Variants in FAM240C observed in about 807,000 individuals in gnomAD.
FAM240C encodes the protein protein FAM240C.
A neutral mutation model predicts 10.0 loss-of-function variants in FAM240C; 14 were observed. That is an observed-to-expected ratio of 1.40 (90% confidence interval 0.92 to 2.19). The LOEUF (loss-of-function observed/expected upper bound fraction) is 2.19, where lower values mean the gene tolerates loss of function less well. Among genes scored for constraint, FAM240C ranks in the 30% most tolerant of loss-of-function variants. The probability of loss-of-function intolerance (pLI) is 0.00; values close to 1 mark genes in which losing one functional copy is unlikely to be tolerated. For missense variants in FAM240C, 154 were observed against 122.3 expected, an observed-to-expected ratio of 1.26 and a Z score of -1.22; for synonymous variants, 49 against 44.3, an observed-to-expected ratio of 1.11 and a Z score of -0.42.
chr2:241,894,404 C>T (rs1288507235), intron 2 of FAM240C, 65 bp from the exon 3 acceptor site: 6 of 1,496,396 alleles, frequency 4.0e-6, no homozygotes, highest in African/African-American at 2.8e-5. Context: ...CGGCCAAGCC[C>T]GTGTCTCTCA....
At chr2:241,897,696 G>A (rs1559469280) in intron 1 of FAM240C, among the ~76,000 whole-genome samples, 1 of 152,238 alleles carries the variant, frequency 6.6e-6, no homozygotes, top group Non-Finnish European at 1.5e-5. Context: ...AGCGAGGTGA[G>A]CGTTTCTTGG....
intron 1 of FAM240C, among the ~76,000 whole-genome samples, chr2:241,897,760 G>T (rs756510458): frequency 5.3e-5 from 8 of 152,150 alleles, no homozygotes; most frequent in Admixed American, 1.3e-4. Flanking sequence ...TTGAGACAGG[G>T]TCTCATTCCC....
upstream of FAM240C, among the ~76,000 whole-genome samples, chr2:241,900,809 C>T (rs1351112743): frequency 3.3e-5 from 5 of 152,212 alleles, no homozygotes; most frequent in Non-Finnish European, 2.9e-5. This position sits in a 1 kb window ranked among gnomAD's most constrained non-coding sequence, Gnocchi z 4.5. Context: ...CACAAAACGA[C>T]GATGCAGACA....
chr2:241,902,453 C>T (rs2124931112), upstream of FAM240C: 1 of 154,456 alleles, frequency 6.5e-6, no homozygotes, highest in African/African-American at 2.4e-5. The surrounding 1 kb of genome is among the most constrained non-coding windows in gnomAD (Gnocchi z 7.1). Context: ...CCCGGAACGC[C>T]GCCTCCAAGC....
intron 1 of FAM240C, among the ~76,000 whole-genome samples, chr2:241,898,638 C>G (rs187922957): frequency 6.6e-6 from 1 of 152,140 alleles, no homozygotes; most frequent in Admixed American, 6.5e-5. Context: ...GCCCTCCTCC[C>G]GATTTCACCC....
chr2:241,901,647 G>T (rs1701986066), upstream of FAM240C, among the ~76,000 whole-genome samples: 1 of 152,214 alleles, frequency 6.6e-6, no homozygotes, highest in African/African-American at 2.4e-5. The surrounding 1 kb of genome is among the most constrained non-coding windows in gnomAD (Gnocchi z 4.9). Context: ...AATGCACAAG[G>T]TGGAAAGACG....
chr2:241,899,113 A>G, intron 1 of FAM240C: 1 of 1,303,912 alleles, frequency 7.7e-7, no homozygotes, highest in Non-Finnish European at 1.0e-6. Context: ...CAAACACATC[A>G]CCTGCTTCAG....
rs904688845 is a variant in FAM240C at position 241,897,384 on chromosome 2, T to C, written c.13-50A>G. On this transcript the variant is annotated intron_variant, in intron 1 of 2. Transcript: ENST00000404031. ...GCTCAGTCACCTTATGCCATTCCCA[T>C]TGACGAGTTTGTGCTCCAGCACCCG... The C allele has an allele frequency of 3.5e-5, 53 of 1,531,614 alleles. No individual in the cohort carries two copies. In the African/African-American group the frequency reaches 6.2e-4, roughly 18 times the overall value. 94.9% of individuals were successfully genotyped at this position (1,531,614 alleles called of 1,614,324 possible).
intron 2 of FAM240C, among the ~76,000 whole-genome samples, chr2:241,896,947 T>G (rs1480149515): frequency 6.6e-6 from 1 of 151,794 alleles, no homozygotes; most frequent in Non-Finnish European, 1.5e-5. Context: ...GGTCTCACGG[T>G]TAGCAACGTG....
intron 2 of FAM240C, 42 bp from the exon 3 acceptor site, chr2:241,894,381 C>G (rs554530705): frequency 3.9e-6 from 6 of 1,520,230 alleles, no homozygotes; most frequent in Non-Finnish European, 5.3e-6. Flanking sequence ...GTCAAGCTCT[C>G]GGAACTTAGT....
intron 1 of FAM240C, among the ~76,000 whole-genome samples, chr2:241,898,565 CAAACAAAAA>C (rs1004866359): frequency 2.6e-5 from 4 of 151,766 alleles, no homozygotes; most frequent in African/African-American, 9.7e-5. Flanking sequence ...AACAAACAAA[CAAACAAAAA>C]AAGAATGTCC....
intron 1 of FAM240C, chr2:241,899,251 G>A (rs1559469942): frequency 7.7e-7 from 1 of 1,299,256 alleles, no homozygotes; most frequent in East Asian, 5.6e-5. Context: ...CGGGCGCTGT[G>A]GCCTGCGCAG....
rs1404680070 is a variant in FAM240C, at chr2:241,897,263, A to G, written c.84T>C (p.Phe28=). 3.9e-6 allele frequency: 6 copies of G among 1,549,892 alleles called. No individual in the cohort carries two copies. Among genetic ancestry groups the G allele is most frequent in the Middle Eastern group, 1.7e-4 (1 of 5,990 alleles). Residue 28 remains phenylalanine (F), a synonymous_variant, in exon 2 of 3, where the codon TTT becomes TTC. Coordinates refer to ENST00000404031, the MANE Select transcript of FAM240C (RefSeq NM_001382368.1). ...VAYDSGGIKM[F]WEKKIEHHAR... ...CGTGATGCTCGATTTTTTTCTCCCAAAACATCTTTATCCCGCCTGAATCGT... is the reference window on the plus strand; with the variant it reads ...CGTGATGCTCGATTTTTTTCTCCCAGAACATCTTTATCCCGCCTGAATCGT...
At chr2:241,902,024 G>C (rs895943402), upstream of FAM240C, among the ~76,000 whole-genome samples, 24 of 152,232 alleles carry the variant, frequency 1.6e-4, 1 homozygote, top group Non-Finnish European at 2.2e-4. The surrounding 1 kb of genome is among the most constrained non-coding windows in gnomAD (Gnocchi z 7.1). Flanking sequence ...GGCAGGGAGC[G>C]CATTCTGATC....
At chr2:241,896,821 G>T (rs868779015) in intron 2 of FAM240C, among the ~76,000 whole-genome samples, 7 of 99,260 alleles carry the variant, frequency 7.1e-5, no homozygotes, top group African/African-American at 8.3e-5. Context: ...GTGTGGGTGT[G>T]GGGGTGTGGG....
chr2:241,897,587 A>G (rs982871072), intron 1 of FAM240C, among the ~76,000 whole-genome samples: 1 of 152,192 alleles, frequency 6.6e-6, no homozygotes, highest in Non-Finnish European at 1.5e-5. Flanking sequence ...GTAGAAATGG[A>G]GGGCAAATTC....
At chr2:241,899,494 G>A (rs1217519660) in intron 1 of FAM240C, among the ~76,000 whole-genome samples, 3 of 152,232 alleles carry the variant, frequency 2.0e-5, no homozygotes, top group South Asian at 2.1e-4. Flanking sequence ...AGTCAGGGCC[G>A]GGCCCAGCTG....
chr2:241,900,850 T>A (rs1026743310), upstream of FAM240C, among the ~76,000 whole-genome samples: 2 of 151,890 alleles, frequency 1.3e-5, no homozygotes, highest in African/African-American at 4.8e-5. This position sits in a 1 kb window ranked among gnomAD's most constrained non-coding sequence, Gnocchi z 4.5. Flanking sequence ...ATGCTTAGGG[T>A]CTCTCTGCCC....
chr2:241,899,387 C>CTCA, intron 1 of FAM240C: 1 of 967,860 alleles, frequency 1.0e-6, no homozygotes, highest in Non-Finnish European at 1.2e-6. Context: ...CATGAAGGGA[C>CTCA]TGAACTCAGC....
Sources: gnomAD v4.1 joint callset for allele counts (sites outside exome capture counted in the v4.1 genomes callset) on GRCh38, gnomAD v4.1.1 for gene constraint, Gnocchi (gnomAD v3.1) non-coding constraint, MANE v1.5 for transcripts, NCBI Gene and HGNC (gene_info 2026-07-23, HGNC 2026-07-21) for gene names.